FARS2: variants seen among roughly 807,000 people sequenced by gnomAD.
The protein encoded by FARS2 is phenylalanyl-tRNA synthetase 2, mitochondrial.
Under a neutral mutation model 46.4 loss-of-function variants are expected in FARS2, and 40 were observed. The observed-to-expected ratio is 0.86, with a 90% CI of 0.67 to 1.12. FARS2 has a LOEUF of 1.12. Ranked by LOEUF, FARS2 falls within the 50% of genes most tolerant of loss-of-function variation. The pLI is 0.00. For missense variants in FARS2, 513 were observed against 567.9 expected (o/e 0.90, Z 0.98); for synonymous variants, 234 against 214.9 (o/e 1.09, Z -0.78).
intron 1 of FARS2, among the ~76,000 whole-genome samples, chr6:5,309,646 A>C (rs1768954047): frequency 6.6e-6 from 1 of 152,242 alleles, no homozygotes; most frequent in Non-Finnish European, 1.5e-5. Context: ...CTGAAATAAG[A>C]AATGTGGAAG....
intron 1 of FARS2, among the ~76,000 whole-genome samples, chr6:5,327,866 C>T (rs565246591): frequency 1.2e-4 from 18 of 152,354 alleles, no homozygotes; most frequent in African/African-American, 4.3e-4. Flanking sequence ...GCTTAACCCT[C>T]TCTGCCACTG....
chr6:5,714,670 A>T (rs765533640), intron 6 of FARS2, among the ~76,000 whole-genome samples: 1 of 152,116 alleles, frequency 6.6e-6, no homozygotes, highest in Non-Finnish European at 1.5e-5. Context: ...TCTGAGGGAG[A>T]TGCTGAAGAA....
intron 2 of FARS2, among the ~76,000 whole-genome samples, chr6:5,384,768 C>T (rs1760013145): frequency 6.6e-6 from 1 of 152,144 alleles, no homozygotes; most frequent in South Asian, 2.1e-4. Flanking sequence ...AGCACCCTGA[C>T]AGCCAGTATT....
At chr6:5,459,255 G>A (rs1354347187) in intron 4 of FARS2, among the ~76,000 whole-genome samples, 2 of 152,108 alleles carry the variant, frequency 1.3e-5, no homozygotes, top group Admixed American at 6.5e-5. Flanking sequence ...TTGAATTTAG[G>A]CAATCTAATT....
chr6:5,619,780 A>C (rs1561757142), intron 6 of FARS2, among the ~76,000 whole-genome samples: 2 of 152,054 alleles, frequency 1.3e-5, no homozygotes, highest in East Asian at 3.9e-4. Flanking sequence ...TTCCTCCTGC[A>C]GTACTGGAGC....
chr6:5,632,059 T>C (rs865899678), intron 6 of FARS2, among the ~76,000 whole-genome samples: 8 of 152,360 alleles, frequency 5.3e-5, no homozygotes, highest in Middle Eastern at 3.4e-3. Flanking sequence ...ATTTCAAACT[T>C]TGTATTTGTT....
chr6:5,535,402 G>C (rs1287888702), intron 4 of FARS2, among the ~76,000 whole-genome samples: 2 of 152,142 alleles, frequency 1.3e-5, no homozygotes, highest in Admixed American at 1.3e-4. Context: ...ACAGCTTTTT[G>C]TGTGTGGATT....
chr6:5,412,971 T>C (rs1206958241), intron 3 of FARS2, among the ~76,000 whole-genome samples: 1 of 152,164 alleles, frequency 6.6e-6, no homozygotes, highest in East Asian at 1.9e-4. Context: ...CTTGGGATCA[T>C]TAACTGTGAA....
intron 3 of FARS2, among the ~76,000 whole-genome samples, chr6:5,415,356 C>T (rs1335623691): frequency 1.6e-5 from 2 of 127,192 alleles, no homozygotes; most frequent in Non-Finnish European, 3.1e-5. Context: ...GCTCTGTCGC[C>T]AAGGCTGGAG....
At chr6:5,344,785 CTTTT>C (rs1757121051) in intron 1 of FARS2, among the ~76,000 whole-genome samples, 1 of 150,986 alleles carries the variant, frequency 6.6e-6, no homozygotes, top group Non-Finnish European at 1.5e-5. Context: ...CTCTTTCTTT[CTTTT>C]CTCTTTTTTT....
chr6:5,715,860 C>G (rs188173166), intron 6 of FARS2, among the ~76,000 whole-genome samples: 7 of 152,324 alleles, frequency 4.6e-5, no homozygotes, highest in Admixed American at 2.6e-4. Context: ...CACATGATAA[C>G]TATGTTTAAC....
At chr6:5,702,725 C>T (rs1265758793) in intron 6 of FARS2, among the ~76,000 whole-genome samples, 2 of 152,196 alleles carry the variant, frequency 1.3e-5, no homozygotes, top group African/African-American at 2.4e-5. Context: ...CAAAATAATA[C>T]TCATCCAAGG....
At chr6:5,676,386 T>C (rs938879011) in intron 6 of FARS2, among the ~76,000 whole-genome samples, 2 of 152,226 alleles carry the variant, frequency 1.3e-5, no homozygotes, top group African/African-American at 2.4e-5. Context: ...TGGATACATA[T>C]TTGCAAATTT....
At chr6:5,542,860 GT>G (rs905708574) in intron 4 of FARS2, among the ~76,000 whole-genome samples, 5 of 152,142 alleles carry the variant, frequency 3.3e-5, no homozygotes, top group Non-Finnish European at 7.4e-5. Context: ...AGAGAAGTAT[GT>G]TGTTTAATTT....
intron 4 of FARS2, among the ~76,000 whole-genome samples, chr6:5,456,751 G>C (rs1200529794): frequency 1.4e-5 from 1 of 73,254 alleles, no homozygotes; most frequent in African/African-American, 4.8e-5. Flanking sequence ...AAAAAAAAGA[G>C]ATGGGCAGGG....
chr6:5,723,965 C>CGATGGCCACGCTGG (rs1554129505), intron 6 of FARS2, among the ~76,000 whole-genome samples: 1 of 102,034 alleles, frequency 9.8e-6, no homozygotes, highest in Non-Finnish European at 2.6e-5. Flanking sequence ...CCCTGCAGAG[C>CGATGGCCACGCTGG]GGTGGCCACG....
chr6:5,311,751 G>A lies in FARS2; in HGVS notation c.-22+50091G>A, dbSNP rs555380533. ...TTTTTTTGGCATGGAGGGTAAGTGA[G>A]AACGTAATGGTTTGTACTTGTTGGG... On this transcript the variant is annotated intron_variant, in intron 1 of 6. Coordinates refer to ENST00000274680, the MANE Select transcript of FARS2 (RefSeq NM_006567.5). The surrounding 1 kb of genome is among the most constrained non-coding windows in gnomAD (Gnocchi z 4.1). 2.6e-5 allele frequency among the ~76,000 whole-genome samples: 4 copies of A among 152,238 alleles called. No homozygotes were observed. Among genetic ancestry groups the A allele is most frequent in the African/African-American group, 9.6e-5 (4 of 41,524 alleles).
At chr6:5,362,661 T>C (rs1181380680) in intron 1 of FARS2, among the ~76,000 whole-genome samples, 1 of 152,214 alleles carries the variant, frequency 6.6e-6, no homozygotes, top group Non-Finnish European at 1.5e-5. Flanking sequence ...CTCCATACTA[T>C]TTCCCATAAT....
chr6:5,756,707 C>T (rs1480745533), intron 6 of FARS2, among the ~76,000 whole-genome samples: 2 of 152,182 alleles, frequency 1.3e-5, no homozygotes, highest in Non-Finnish European at 2.9e-5. Context: ...TAACATTATT[C>T]AGCACATCTA....
Sources: allele counts gnomAD v4.1 joint callset (sites outside exome capture counted in the v4.1 genomes callset), GRCh38; gene constraint gnomAD v4.1.1; non-coding constraint Gnocchi (gnomAD v3.1); transcripts MANE v1.5; gene names NCBI Gene and HGNC (gene_info 2026-07-23, HGNC 2026-07-21).